The following LHPP variants were observed in gnomAD, a reference collection of about 807,000 sequenced individuals.
The protein encoded by LHPP is hLHPP.
A neutral mutation model predicts 30.3 loss-of-function variants in LHPP; 24 were observed. The observed-to-expected ratio is 0.79, with a 90% CI of 0.57 to 1.11. LHPP has a LOEUF of 1.11. Ranked by LOEUF, LHPP falls within the 50% of genes most tolerant of loss-of-function variation. The probability of loss-of-function intolerance (pLI) is 0.00; values close to 1 mark genes in which losing one functional copy is unlikely to be tolerated. For missense variants in LHPP, 356 were observed against 367.2 expected, an observed-to-expected ratio of 0.97 and a Z score of 0.25; for synonymous variants, 150 against 157.1, an observed-to-expected ratio of 0.95 and a Z score of 0.34.
intron 6 of LHPP, among the ~76,000 whole-genome samples, chr10:124,607,944 G>T (rs370249634): frequency 6.0e-4 from 91 of 152,292 alleles, no homozygotes; most frequent in African/African-American, 1.7e-3. Context: ...AGACCCTAGT[G>T]GGAGCTGAGG....
intron 5 of LHPP, among the ~76,000 whole-genome samples, chr10:124,500,320 A>T (rs1052719202): frequency 6.6e-6 from 1 of 151,776 alleles, no homozygotes; most frequent in Non-Finnish European, 1.5e-5. Context: ...TAAAATATAA[A>T]AATTAGCCGG....
chr10:124,464,252 C>T (rs774275212), intron 1 of LHPP, among the ~76,000 whole-genome samples: 8 of 152,186 alleles, frequency 5.3e-5, no homozygotes, highest in Non-Finnish European at 8.8e-5. Context: ...CTTGGCCTCC[C>T]GGAGTCACTA....
In LHPP at chr10:124,558,466, G is replaced by A. The variant is rs112018002; in HGVS notation, c.716+41195G>A. On this transcript the variant is annotated intron_variant, in intron 6 of 6. Coordinates refer to ENST00000368842, the MANE Select transcript of LHPP (RefSeq NM_022126.4). ...TCTGAGTCTGGACGTGGCCCTCTGA[G>A]CTGCTCTGTCCCCGCTTGGCGTTGG... is the stretch of plus-strand genomic sequence containing the variant. Among the ~76,000 whole-genome samples the A allele has an allele frequency of 4.2e-3, 640 of 152,336 alleles. 3 individuals are homozygous for A. Among genetic ancestry groups the A allele is most frequent in the African/African-American group, 0.014 (591 of 41,568 alleles).
In LHPP at chr10:124,600,580, C is replaced by T. The variant is rs59540431; in HGVS notation, c.717-12684C>T. 7.1e-3 allele frequency among the ~76,000 whole-genome samples: 1,076 copies of T among 152,346 alleles called. 11 individuals carry two copies. Among genetic ancestry groups the T allele is most frequent in the African/African-American group, 0.025 (1,020 of 41,588 alleles). On this transcript the variant is annotated intron_variant, in intron 6 of 6. Coordinates refer to ENST00000368842, the MANE Select transcript of LHPP (RefSeq NM_022126.4). ...TGCAACCTAGGTGCCCGGGGTCTCA[C>T]GCAGTGGGGCCTCCCCGGAGGAGGT...
At chr10:124,610,173 C>T (rs538659659) in intron 6 of LHPP, among the ~76,000 whole-genome samples, 13 of 152,212 alleles carry the variant, frequency 8.5e-5, no homozygotes, top group African/African-American at 9.6e-5. Flanking sequence ...CGCAGGATCA[C>T]GCATGTCTTC....
intron 6 of LHPP, among the ~76,000 whole-genome samples, chr10:124,599,662 CAAG>C (rs1257297515): frequency 6.6e-6 from 1 of 152,228 alleles, no homozygotes; most frequent in Non-Finnish European, 1.5e-5. Context: ...CTGTACAAAA[CAAG>C]GAGAAAAAGA....
chr10:124,490,596 C>T (rs1370640336), intron 3 of LHPP: 3 of 250,790 alleles, frequency 1.2e-5, no homozygotes, highest in Non-Finnish European at 2.6e-5. Flanking sequence ...GCTGTAGGGT[C>T]CAGGTCCGGG....
chr10:124,529,395 G>A (rs959573473), intron 6 of LHPP, among the ~76,000 whole-genome samples: 2 of 151,858 alleles, frequency 1.3e-5, no homozygotes, highest in East Asian at 1.9e-4. Flanking sequence ...CACCACTCAC[G>A]AGCAGCCCAC....
chr10:124,465,205 G>A (rs1564762165), intron 1 of LHPP, among the ~76,000 whole-genome samples: 2 of 152,100 alleles, frequency 1.3e-5, no homozygotes, highest in Non-Finnish European at 1.5e-5. Context: ...GGCGGAGGAA[G>A]CGCATTCCAG....
At chr10:124,499,309 CA>C (rs58193609) in intron 5 of LHPP, among the ~76,000 whole-genome samples, 18,202 of 151,716 alleles carry the variant, frequency 0.12, 1,793 homozygotes, top group African/African-American at 0.26. Context: ...CATGAGCCAC[CA>C]ACACACAGCC....
chr10:124,561,284 A>G (rs1259614173), intron 6 of LHPP, among the ~76,000 whole-genome samples: 2 of 152,186 alleles, frequency 1.3e-5, no homozygotes, highest in African/African-American at 4.8e-5. Context: ...GGGATCCTGG[A>G]CCAAAACACT....
intron 6 of LHPP, among the ~76,000 whole-genome samples, chr10:124,546,569 A>AT (rs201106794): frequency 0.018 from 2,802 of 152,068 alleles, 79 homozygotes; most frequent in African/African-American, 0.064. Flanking sequence ...CGCCCGGCTA[A>AT]TTTTTTGTAT....
At chr10:124,466,396 A>G (rs912303751) in intron 1 of LHPP, among the ~76,000 whole-genome samples, 2 of 152,198 alleles carry the variant, frequency 1.3e-5, no homozygotes, top group Non-Finnish European at 2.9e-5. Flanking sequence ...AGTGGGGGCC[A>G]CTGTGTGGTT....
intron 5 of LHPP, among the ~76,000 whole-genome samples, chr10:124,514,517 G>A (rs1954397137): frequency 6.6e-6 from 1 of 152,174 alleles, no homozygotes; most frequent in Non-Finnish European, 1.5e-5. Context: ...GCACTCCACA[G>A]TCTTCTCACT....
chr10:124,535,036 C>A (rs1289502486), intron 6 of LHPP, among the ~76,000 whole-genome samples: 1 of 152,184 alleles, frequency 6.6e-6, no homozygotes, highest in South Asian at 2.1e-4. Context: ...TGAAACCTCT[C>A]TCGATTGTGT....
At chr10:124,493,398 A>G (rs1338115716) in intron 3 of LHPP, among the ~76,000 whole-genome samples, 1 of 152,186 alleles carries the variant, frequency 6.6e-6, no homozygotes, top group Non-Finnish European at 1.5e-5. Context: ...ACAGGGGCAC[A>G]GGCTGAGCGG....
chr10:124,605,169 G>A (rs1226855081), intron 6 of LHPP: 1 of 152,366 alleles, frequency 6.6e-6, no homozygotes, highest in Non-Finnish European at 1.5e-5. Context: ...GAACCGCCTT[G>A]TTTTCTGCCT....
chr10:124,510,437 G>A lies in LHPP; in HGVS notation c.625-6743G>A, dbSNP rs574683074. Among the ~76,000 whole-genome samples, 5 of 152,232 alleles carry A rather than the reference G, an allele frequency of 3.3e-5. No individual in the cohort carries two copies. Among genetic ancestry groups the A allele is most frequent in the East Asian group, 1.9e-4 (1 of 5,160 alleles). On this transcript the variant is annotated intron_variant, in intron 5 of 6. Coordinates refer to ENST00000368842, the MANE Select transcript of LHPP (RefSeq NM_022126.4). This position sits in a 1 kb window ranked among gnomAD's most constrained non-coding sequence, Gnocchi z 4.0. ...GCCCCCAGCCTCCGCCTCCCTCGCCGACAGCTTCCCGGGGCTCTGCCTGGA... is the reference window on the plus strand; with the variant it reads ...GCCCCCAGCCTCCGCCTCCCTCGCCAACAGCTTCCCGGGGCTCTGCCTGGA...
chr10:124,475,357 T>C (rs1952912109), intron 1 of LHPP, among the ~76,000 whole-genome samples: 1 of 151,066 alleles, frequency 6.6e-6, no homozygotes, highest in South Asian at 2.1e-4. Context: ...CTGGCCAACA[T>C]GGTGAAACCC....
Sources: allele counts gnomAD v4.1 joint callset (sites outside exome capture counted in the v4.1 genomes callset), GRCh38; gene constraint gnomAD v4.1.1; non-coding constraint Gnocchi (gnomAD v3.1); transcripts MANE v1.5; gene names NCBI Gene and HGNC (gene_info 2026-07-23, HGNC 2026-07-21).